Variants in USP10 observed in about 807,000 individuals in gnomAD.
USP10 encodes ubiquitin carboxyl-terminal hydrolase 10.
In USP10, 22 loss-of-function variants were observed where a neutral mutation model predicts 84.5. That is an observed-to-expected ratio of 0.26 (90% CI 0.19 to 0.37). The LOEUF is 0.37. Ranked by LOEUF, USP10 falls within the 10% of genes least tolerant of loss-of-function variation. USP10 has a pLI of 1.00. For missense variants in USP10, 1,019 were observed against 998.9 expected (o/e 1.02, Z -0.27); for synonymous variants, 454 against 387.6 (o/e 1.17, Z -2.01).
chr16:84,723,288 G>T (rs1217533456), intron 1 of USP10, among the ~76,000 whole-genome samples: 1 of 151,888 alleles, frequency 6.6e-6, no homozygotes, highest in African/African-American at 2.4e-5. Context: ...AAAGTGTTCT[G>T]TGAAGCTTAA....
At chr16:84,741,852 G>T (rs1275765190) in intron 3 of USP10, among the ~76,000 whole-genome samples, 1 of 152,156 alleles carries the variant, frequency 6.6e-6, no homozygotes, top group Admixed American at 6.5e-5. Context: ...TCTCTTTCCA[G>T]CCTGCTCAGC....
At chr16:84,711,570 A>T (rs1906297027) in intron 1 of USP10, among the ~76,000 whole-genome samples, 1 of 152,124 alleles carries the variant, frequency 6.6e-6, no homozygotes, top group African/African-American at 2.4e-5. Flanking sequence ...GTTTTTCCCA[A>T]ACTGGTGCTG....
intron 8 of USP10, among the ~76,000 whole-genome samples, chr16:84,761,656 G>T (rs1331236239): frequency 6.6e-6 from 1 of 152,360 alleles, no homozygotes; most frequent in African/African-American, 2.4e-5. Flanking sequence ...GGTCCCATAG[G>T]TACCATCTGC....
At chr16:84,729,946 C>T (rs977544077) in intron 1 of USP10, among the ~76,000 whole-genome samples, 1 of 152,148 alleles carries the variant, frequency 6.6e-6, no homozygotes, top group African/African-American at 2.4e-5. Flanking sequence ...TGTCAATGAG[C>T]TCTTGAAACT....
rs1233112994 is a variant in USP10 at position 84,757,403 on chromosome 16, GT to G, written c.1193-1312del. ...GAAGGAGGGAATGAGAGGGGTGGGG[GT>G]GTGTGTGTGTGTGTGTGTGTGTGTG... On this transcript the variant is annotated intron_variant, in intron 4 of 13. Coordinates refer to ENST00000219473, the MANE Select transcript of USP10 (RefSeq NM_005153.3). 1.0e-3 allele frequency among the ~76,000 whole-genome samples: 23 copies of G among 22,522 alleles called. No individual in the cohort carries two copies. In the East Asian group the frequency reaches 0.014, roughly 14 times the overall value. 14.8% of individuals were successfully genotyped at this position (22,522 alleles called of 152,430 possible).
intron 4 of USP10, among the ~76,000 whole-genome samples, chr16:84,756,673 T>C (rs949845335): frequency 6.6e-6 from 1 of 152,152 alleles, no homozygotes; most frequent in Non-Finnish European, 1.5e-5. Context: ...TCATTTGATA[T>C]AAAAATACTA....
chr16:84,700,719 A>G (rs200833553), intron 1 of USP10, among the ~76,000 whole-genome samples: 2 of 152,216 alleles, frequency 1.3e-5, no homozygotes, highest in East Asian at 3.8e-4. Context: ...CCGTACTTTC[A>G]CTTGCGTTTG....
At chr16:84,702,917 C>G (rs201021360) in intron 1 of USP10, among the ~76,000 whole-genome samples, 2 of 134,218 alleles carry the variant, frequency 1.5e-5, no homozygotes, top group East Asian at 5.0e-4. Context: ...CGCTTGAACC[C>G]GGGAGGCGGA....
Position 84,745,471 on chromosome 16 carries a change from A to G in USP10, c.990A>G (p.Ala330=), listed in dbSNP as rs2150823583. Residue 330 remains alanine (A), a synonymous_variant, in exon 4 of 14, where the codon GCA becomes GCG. Transcript: ENST00000219473. The part of the protein sequence containing the change: ...ASPPADGTGS[A]SGTLPVSQPK... ...CTCCTGCTGACGGCACGGGCTCTGC[A>G]TCAGGCACCCTTCCTGTCAGCCAGC... 1 of 1,613,526 alleles carries G rather than the reference A, an allele frequency of 6.2e-7. No individual in the cohort carries two copies.
intron 6 of USP10, 149 bp from the exon 7 acceptor site, chr16:84,759,742 G>A (rs3764331): frequency 0.42 from 337,707 of 805,740 alleles, 77,100 homozygotes; most frequent in Non-Finnish European, 0.49. Flanking sequence ...GCATATAGAA[G>A]AGACTTGAGT....
rs140499045 is a variant in USP10, at chr16:84,770,439, C to G, written c.1998+2081C>G. Among the ~76,000 whole-genome samples the G allele has an allele frequency of 6.8e-3, 1,027 of 152,076 alleles. 12 individuals carry two copies. Among genetic ancestry groups the G allele is most frequent in the African/African-American group, 0.023 (962 of 41,484 alleles). On this transcript the variant is annotated intron_variant, in intron 11 of 13. Coordinates refer to ENST00000219473, the MANE Select transcript of USP10 (RefSeq NM_005153.3). ...AAAATAGGATTATATGAAATATTTG[C>G]TATATAGAAAATGTCTGCCTTTGTT...
chr16:84,774,539 C>T (rs755137596), intron 12 of USP10, among the ~76,000 whole-genome samples: 70 of 151,868 alleles, frequency 4.6e-4, no homozygotes, highest in African/African-American at 1.2e-3. Context: ...GGCGCGATCT[C>T]GGCTCGCTGC....
In USP10 at chr16:84,768,858, C is replaced by T. The variant is rs565250828; in HGVS notation, c.1998+500C>T. ...GATGCTTGTTACTCTTTGATTTGAT[C>T]TGGAAAAGGTAAGATTCTTGAGTCT... On this transcript the variant is annotated intron_variant, in intron 11 of 13. Transcript: ENST00000219473. 1.2e-4 allele frequency among the ~76,000 whole-genome samples: 18 copies of T among 152,244 alleles called. No individual in the cohort carries two copies. In the South Asian group the frequency reaches 3.7e-3, roughly 32 times the overall value.
At chr16:84,726,259 G>T (rs916073848) in intron 1 of USP10, among the ~76,000 whole-genome samples, 2 of 152,232 alleles carry the variant, frequency 1.3e-5, no homozygotes, top group Non-Finnish European at 2.9e-5. Context: ...TCCTGAAGCC[G>T]AAAGTGGCGT....
At chr16:84,738,226 G>A (rs1285398165) in intron 2 of USP10, among the ~76,000 whole-genome samples, 1 of 152,226 alleles carries the variant, frequency 6.6e-6, no homozygotes, top group Non-Finnish European at 1.5e-5. Context: ...ACTGGGAAGT[G>A]TGAAGAGAAC....
rs567785229 is a variant in USP10 at position 84,700,527 on chromosome 16, C to T, written c.21+416C>T. On this transcript the variant is annotated intron_variant, in intron 1 of 13. Coordinates refer to ENST00000219473, the MANE Select transcript of USP10 (RefSeq NM_005153.3). ...GGCCCCAGAGCAGCTCAGGTTGCTG[C>T]CTCTGCCTGGAGCGAGCCTCAGAGA... 2.0e-5 allele frequency among the ~76,000 whole-genome samples: 3 copies of T among 152,230 alleles called. No homozygotes were observed. The South Asian group carries it at 6.2e-4, about 32-fold the overall frequency.
intron 1 of USP10, among the ~76,000 whole-genome samples, chr16:84,721,555 T>TCTTG (rs1907816470): frequency 1.3e-5 from 2 of 152,292 alleles, no homozygotes; most frequent in African/African-American, 4.8e-5. Flanking sequence ...TCAGACGAGG[T>TCTTG]CTTGCTCTGT....
chr16:84,746,088 A>G (rs1332017660), intron 4 of USP10, among the ~76,000 whole-genome samples: 1 of 152,064 alleles, frequency 6.6e-6, no homozygotes, highest in Non-Finnish European at 1.5e-5. Context: ...TTTGTGAAAT[A>G]ACATGGTTTT....
chr16:84,745,524 A>C lies in USP10; in HGVS notation c.1043A>C (p.Asp348Ala). 1 of 1,613,304 alleles carries C rather than the reference A, an allele frequency of 6.2e-7. No homozygotes were observed. The highest frequency in any genetic ancestry group is 8.5e-7 in the Non-Finnish European group (1 of 1,179,580). The change falls in exon 4 of 14, where the codon GAT (aspartate) becomes GCT (alanine). Residue 348 changes from aspartate to alanine, a missense_variant. By Grantham distance (126) the Asp-to-Ala change is moderately radical. Coordinates refer to ENST00000219473, the MANE Select transcript of USP10 (RefSeq NM_005153.3). ...QPKSWASLFHDSKPSSSSPVA... is the reference protein window; with the variant it reads ...QPKSWASLFHASKPSSSSPVA... ...AAGTCCTGGGCCAGCCTCTTTCATG[A>C]TTCTAAGCCCTCTTCCTCCTCGCCG...
Sources: allele counts gnomAD v4.1 joint callset (sites outside exome capture counted in the v4.1 genomes callset), GRCh38; gene constraint gnomAD v4.1.1; transcripts MANE v1.5; gene names NCBI Gene and HGNC (gene_info 2026-07-23, HGNC 2026-07-21).